Variants in DTWD2 observed in about 807,000 individuals in gnomAD.
DTWD2 encodes tRNA-uridine aminocarboxypropyltransferase 2.
In DTWD2, 39 loss-of-function variants were observed where a neutral mutation model predicts 31.8. The ratio of observed to expected loss-of-function variants is 1.22; its 90% CI spans 0.95 to 1.60. DTWD2 has a LOEUF of 1.60. Ranked by LOEUF, DTWD2 falls within the 40% of genes most tolerant of loss-of-function variation. DTWD2 has a pLI of 0.00. For synonymous variants in DTWD2, 180 were observed against 142.8 expected (o/e 1.26, Z -1.86); for missense variants, 515 against 381.5 (o/e 1.35, Z -2.92).
chr5:118,928,667 TCAGCCC>T lies in DTWD2; in HGVS notation c.461_466del (p.Gly154_Ala155del), dbSNP rs1753858533. 1 of 1,598,728 alleles carries T rather than the reference TCAGCCC, an allele frequency of 6.3e-7. No homozygotes were observed. The highest frequency in any genetic ancestry group is 1.3e-5 in the African/African-American group (1 of 74,700). ...TATAAATTCTTCCAAATTAGCAGCT[TCAGCCC>T]CTGGATATAATATTAATGTACCAGA... On this transcript the variant is annotated inframe_deletion, in exon 4 of 6. Transcript: ENST00000510708.
At chr5:118,916,774 C>A (rs930051162) in intron 4 of DTWD2, among the ~76,000 whole-genome samples, 1 of 151,948 alleles carries the variant, frequency 6.6e-6, no homozygotes, top group African/African-American at 2.4e-5. Context: ...CCTCACGTAT[C>A]TAAAATGATA....
At chr5:118,979,305 A>C (rs935288942) in intron 1 of DTWD2, among the ~76,000 whole-genome samples, 8 of 152,106 alleles carry the variant, frequency 5.3e-5, no homozygotes, top group South Asian at 2.1e-4. Context: ...GTCCATCCCC[A>C]AAAAAATAAA....
chr5:118,887,000 T>A (rs1002778251), intron 4 of DTWD2, among the ~76,000 whole-genome samples: 1 of 152,200 alleles, frequency 6.6e-6, no homozygotes, highest in Non-Finnish European at 1.5e-5. Context: ...TTATCTATTT[T>A]ACAATGTGTT....
intron 4 of DTWD2, among the ~76,000 whole-genome samples, chr5:118,926,369 A>C (rs1561458137): frequency 6.6e-6 from 1 of 152,160 alleles, no homozygotes; most frequent in African/African-American, 2.4e-5. Flanking sequence ...AAAGATGTAC[A>C]TAATAAATTT....
intron 4 of DTWD2, among the ~76,000 whole-genome samples, chr5:118,920,824 G>A (rs987029162): frequency 6.6e-6 from 1 of 152,056 alleles, no homozygotes. Flanking sequence ...AAGTAAATGG[G>A]GAGCGTTCTT....
At chr5:118,987,980 A>G in intron 1 of DTWD2, 2 of 635,810 alleles carry the variant, frequency 3.1e-6, no homozygotes, top group South Asian at 3.4e-5. Flanking sequence ...TAACTATTTT[A>G]CAAGTATTAC....
intron 1 of DTWD2, among the ~76,000 whole-genome samples, chr5:118,964,418 G>A (rs935929425): frequency 6.0e-5 from 9 of 151,060 alleles, no homozygotes; most frequent in Admixed American, 4.0e-4. Context: ...TCTCCCCACG[G>A]TCTCCCTCTC....
chr5:118,982,367 G>A (rs1441067217), intron 1 of DTWD2, among the ~76,000 whole-genome samples: 1 of 152,094 alleles, frequency 6.6e-6, no homozygotes, highest in Non-Finnish European at 1.5e-5. Context: ...TTTTAAAACT[G>A]GCCATTCCTC....
intron 4 of DTWD2, among the ~76,000 whole-genome samples, chr5:118,910,012 T>C (rs977223875): frequency 2.6e-5 from 4 of 152,142 alleles, no homozygotes; most frequent in African/African-American, 7.2e-5. Flanking sequence ...TATTCTTTCC[T>C]TGTCTTGGTG....
intron 3 of DTWD2, among the ~76,000 whole-genome samples, chr5:118,929,499 T>TG (rs1227245397): frequency 6.6e-6 from 1 of 152,022 alleles, no homozygotes; most frequent in Non-Finnish European, 1.5e-5. Flanking sequence ...CTTTTTTTTT[T>TG]TTTGTCCACA....
chr5:118,899,092 TC>T (rs1753147164), intron 4 of DTWD2, among the ~76,000 whole-genome samples: 2 of 152,234 alleles, frequency 1.3e-5, no homozygotes, highest in Non-Finnish European at 2.9e-5. Flanking sequence ...TAAATATGTG[TC>T]TTTTTCACAG....
intron 1 of DTWD2, among the ~76,000 whole-genome samples, chr5:118,952,953 G>A (rs1277642087): frequency 6.6e-6 from 1 of 152,080 alleles, no homozygotes; most frequent in East Asian, 1.9e-4. Flanking sequence ...CACATCATAT[G>A]ACAAAATTTT....
At chr5:118,950,917 G>A (rs181452426) in intron 1 of DTWD2, among the ~76,000 whole-genome samples, 6 of 152,212 alleles carry the variant, frequency 3.9e-5, no homozygotes, top group East Asian at 1.9e-4. Context: ...TTTTTTAAAC[G>A]TCAGGAGCAG....
At position 118,965,032 on chromosome 5, in the gene DTWD2, G is replaced by A. The variant is rs543505944; in HGVS notation, c.219-20383C>T. Among the ~76,000 whole-genome samples the A allele has an allele frequency of 9.9e-5, 15 of 151,222 alleles. No individual in the cohort carries two copies. The East Asian group carries it at 2.9e-3, about 30-fold the overall frequency. On this transcript the variant is annotated intron_variant, in intron 1 of 5. Transcript: ENST00000510708. ...CCGGCCGCCCATCGTCTGAGATGTG[G>A]GGAGCACCTCTGCCCCGCCGCCCCG...
intron 4 of DTWD2, among the ~76,000 whole-genome samples, chr5:118,887,860 C>A (rs1752900466): frequency 6.6e-6 from 1 of 152,176 alleles, no homozygotes; most frequent in Non-Finnish European, 1.5e-5. Context: ...AGGCTTGTCT[C>A]AAACTCCTAA....
intron 1 of DTWD2, among the ~76,000 whole-genome samples, chr5:118,981,524 C>G (rs1020918719): frequency 6.8e-6 from 1 of 147,728 alleles, no homozygotes; most frequent in Non-Finnish European, 1.5e-5. Context: ...GAAAAACAAG[C>G]AAACAAACAA....
chr5:118,848,156 G>T lies in DTWD2; in HGVS notation c.660C>A (p.Cys220Ter). ...YVIRMQPTNR[C>*]LSTLECAAVA... ...CAGCTGCACACTCCAGTGTAGAAAG[G>T]CATCTATTAGTCGGCTGCATCCGAA... Residue 220 changes from cysteine (C) to a stop codon, truncating the protein, a stop_gained, in exon 5 of 6, where the codon TGC (cysteine) becomes TGA (stop). Coordinates refer to ENST00000510708, the MANE Select transcript of DTWD2 (RefSeq NM_173666.4). LOFTEE classifies it high-confidence loss of function. 1.2e-6 allele frequency: 2 copies of T among 1,607,492 alleles called. No individual in the cohort carries two copies. The highest frequency in any genetic ancestry group is 1.1e-5 in the South Asian group (1 of 89,678).
intron 1 of DTWD2, among the ~76,000 whole-genome samples, chr5:118,963,765 T>C (rs1218607626): frequency 6.6e-6 from 1 of 151,960 alleles, no homozygotes. Context: ...CAAGCAGGGG[T>C]CCCTCCCACC....
rs553619237 is a variant in DTWD2 at position 118,961,769 on chromosome 5, TG to T, written c.219-17121del. 1.9e-3 allele frequency among the ~76,000 whole-genome samples: 286 copies of T among 152,008 alleles called. 1 individual carries two copies. The highest frequency in any genetic ancestry group is 4.8e-3 in the African/African-American group (201 of 41,466). On this transcript the variant is annotated intron_variant, in intron 1 of 5. Transcript: ENST00000510708. ...ACTGATTTTTGTATACTTGCTTTAT[TG>T]GGGGGGGCATACTTCCTCATTTTAC...
Sources: gnomAD v4.1 joint callset for allele counts (sites outside exome capture counted in the v4.1 genomes callset) on GRCh38, gnomAD v4.1.1 for gene constraint, MANE v1.5 for transcripts, NCBI Gene and HGNC (gene_info 2026-07-23, HGNC 2026-07-21) for gene names.